Variants in PIBF1 observed in about 807,000 individuals in gnomAD.
PIBF1 encodes progesterone immunomodulatory binding factor 1.
Under a neutral mutation model 112.5 loss-of-function variants are expected in PIBF1, and 90 were observed. That is an observed-to-expected ratio of 0.80 (90% CI 0.67 to 0.95). The LOEUF (loss-of-function observed/expected upper bound fraction) is 0.95, where lower values mean the gene tolerates loss of function less well. PIBF1 is among the 40% of genes least tolerant of loss of function. PIBF1 has a pLI of 0.00. For synonymous variants in PIBF1, 301 were observed against 288.6 expected (o/e 1.04, Z -0.44); for missense variants, 915 against 852.3 (o/e 1.07, Z -0.92).
chr13:73,004,943 G>T (rs988265409), intron 17 of PIBF1, among the ~76,000 whole-genome samples: 2 of 152,314 alleles, frequency 1.3e-5, no homozygotes, highest in South Asian at 2.1e-4. Context: ...CCAGCACTTT[G>T]GGAGGCCAAG....
At chr13:72,964,342 G>C (rs1044428180) in intron 14 of PIBF1, among the ~76,000 whole-genome samples, 4 of 152,134 alleles carry the variant, frequency 2.6e-5, no homozygotes. Context: ...AGGAGAAAAT[G>C]GGGAGTTTTT....
intron 10 of PIBF1, among the ~76,000 whole-genome samples, chr13:72,876,859 A>G (rs1478290582): frequency 1.3e-5 from 2 of 152,162 alleles, no homozygotes; most frequent in East Asian, 3.9e-4. Flanking sequence ...CAGTCATATC[A>G]TCTGCATACA....
chr13:72,836,646 G>A (rs987891025), intron 9 of PIBF1, among the ~76,000 whole-genome samples: 1 of 152,042 alleles, frequency 6.6e-6, no homozygotes, highest in Non-Finnish European at 1.5e-5. Flanking sequence ...TTATGCTAAT[G>A]CCTCTGAGGG....
chr13:72,995,309 A>C (rs2139015859), intron 16 of PIBF1, among the ~76,000 whole-genome samples: 1 of 152,140 alleles, frequency 6.6e-6, no homozygotes, highest in East Asian at 1.9e-4. Context: ...TCAAAAAAAA[A>C]AAAAAAAAGT....
intron 16 of PIBF1, among the ~76,000 whole-genome samples, chr13:72,980,498 T>A (rs1295730219): frequency 6.6e-6 from 1 of 152,148 alleles, no homozygotes; most frequent in African/African-American, 2.4e-5. Context: ...CATTTGGATT[T>A]AATAAGATGC....
At chr13:72,872,965 A>G (rs2039228324) in intron 10 of PIBF1, among the ~76,000 whole-genome samples, 1 of 152,182 alleles carries the variant, frequency 6.6e-6, no homozygotes, top group African/African-American at 2.4e-5. Context: ...AAGTGGAGTA[A>G]GATATCATGT....
At chr13:72,869,601 A>T (rs1043119670) in intron 10 of PIBF1, among the ~76,000 whole-genome samples, 14 of 150,668 alleles carry the variant, frequency 9.3e-5, no homozygotes, top group Non-Finnish European at 1.5e-4. Context: ...ATGTACCCTA[A>T]AACTTAAAGT....
intron 3 of PIBF1, among the ~76,000 whole-genome samples, chr13:72,794,139 A>T (rs117097138): frequency 3.3e-5 from 5 of 152,190 alleles, no homozygotes; most frequent in Non-Finnish European, 7.3e-5. Context: ...ATGAAAATGT[A>T]TCAAGGAAAG....
chr13:72,980,063 C>T (rs1402454425), intron 16 of PIBF1, among the ~76,000 whole-genome samples: 1 of 151,976 alleles, frequency 6.6e-6, no homozygotes, highest in Non-Finnish European at 1.5e-5. Context: ...TACAAAGAAC[C>T]TAGAAGAAAG....
intron 9 of PIBF1, among the ~76,000 whole-genome samples, chr13:72,850,459 G>A (rs1050238751): frequency 4.6e-5 from 7 of 152,130 alleles, no homozygotes; most frequent in Non-Finnish European, 1.0e-4. Flanking sequence ...CCTTTCACAA[G>A]CCCTGATGTT....
chr13:72,820,936 G>A (rs1404140064), intron 5 of PIBF1, among the ~76,000 whole-genome samples: 2 of 152,176 alleles, frequency 1.3e-5, no homozygotes, highest in African/African-American at 4.8e-5. Flanking sequence ...ACCTGGCAGT[G>A]TTTAAAGTGG....
intron 16 of PIBF1, among the ~76,000 whole-genome samples, chr13:72,997,512 C>T (rs959740005): frequency 2.6e-5 from 4 of 152,180 alleles, no homozygotes; most frequent in Admixed American, 6.5e-5. Flanking sequence ...TCTTCTGACA[C>T]GTCTCGCAAC....
chr13:72,983,937 C>T (rs2043214322), intron 16 of PIBF1, among the ~76,000 whole-genome samples: 1 of 152,014 alleles, frequency 6.6e-6, no homozygotes, highest in Admixed American at 6.6e-5. Flanking sequence ...ACATACATTT[C>T]TCATCATAGT....
intron 17 of PIBF1, among the ~76,000 whole-genome samples, chr13:73,005,123 C>T (rs1018104175): frequency 6.6e-6 from 1 of 151,928 alleles, no homozygotes. Flanking sequence ...TGTGATGAGC[C>T]GAGATCACGT....
At chr13:72,812,766 C>T (rs956998026) in intron 5 of PIBF1, among the ~76,000 whole-genome samples, 1 of 151,330 alleles carries the variant, frequency 6.6e-6, no homozygotes, top group Admixed American at 6.6e-5. Flanking sequence ...CAGAATGAGA[C>T]CCTGTCTCAA....
At chr13:72,978,130 AGG>A (rs1304787213) in intron 16 of PIBF1, among the ~76,000 whole-genome samples, 2 of 152,152 alleles carry the variant, frequency 1.3e-5, no homozygotes, top group African/African-American at 4.8e-5. Flanking sequence ...CATAAAGCAG[AGG>A]GGGAAAGGGC....
rs2044372812 is a variant in PIBF1, at chr13:73,016,022, TAAC to T, written c.*106_*108del. Reference sequence around the variant, plus strand: ...AATCGTGTACTCAGCATTTTTTAAATAACAATGTTTATTTGAACTAATATTAAA... The same window carrying T: ...AATCGTGTACTCAGCATTTTTTAAATAATGTTTATTTGAACTAATATTAAA... On this transcript the variant is annotated 3_prime_UTR_variant, in exon 18 of 18. Coordinates refer to ENST00000326291, the MANE Select transcript of PIBF1 (RefSeq NM_006346.4). The T allele has an allele frequency of 4.2e-6, 2 of 474,494 alleles. No homozygotes were observed. Among genetic ancestry groups the T allele is most frequent in the Non-Finnish European group, 3.6e-6 (1 of 274,178 alleles). 29.4% of individuals were successfully genotyped at this position (474,494 alleles called of 1,614,324 possible). A position where few individuals can be genotyped will look rare whatever the true frequency, so the allele number is the denominator to read the frequency against.
intron 10 of PIBF1, among the ~76,000 whole-genome samples, chr13:72,876,934 C>T (rs1008999054): frequency 1.3e-5 from 2 of 152,120 alleles, no homozygotes; most frequent in African/African-American, 4.8e-5. Flanking sequence ...CAATTAGCAT[C>T]AACTTCGAAT....
At chr13:72,833,204 G>A (rs1356145736) in intron 8 of PIBF1, among the ~76,000 whole-genome samples, 2 of 152,022 alleles carry the variant, frequency 1.3e-5, no homozygotes, top group Non-Finnish European at 2.9e-5. Flanking sequence ...CCTTGCATTG[G>A]GTTAGAACAT....
Sources: gnomAD v4.1 joint callset for allele counts (sites outside exome capture counted in the v4.1 genomes callset) on GRCh38, gnomAD v4.1.1 for gene constraint, MANE v1.5 for transcripts, NCBI Gene and HGNC (gene_info 2026-07-23, HGNC 2026-07-21) for gene names.